The following TAOK3 variants were observed in gnomAD, a reference collection of about 807,000 sequenced individuals.
TAOK3 encodes serine/threonine-protein kinase TAO3.
In TAOK3, 40 loss-of-function variants were observed where a neutral mutation model predicts 120.4. That is an observed-to-expected ratio of 0.33 (90% CI 0.26 to 0.43). TAOK3 has a LOEUF of 0.43. Ranked by LOEUF, TAOK3 falls within the 20% of genes least tolerant of loss-of-function variation. The pLI is 1.00. For missense variants in TAOK3, 821 were observed against 1,112.1 expected (o/e 0.74, Z 3.72); for synonymous variants, 355 against 387.5 (o/e 0.92, Z 0.99).
intron 9 of TAOK3, among the ~76,000 whole-genome samples, chr12:118,223,747 A>C (rs1233040240): frequency 1.3e-5 from 2 of 150,362 alleles, no homozygotes; most frequent in Non-Finnish European, 3.0e-5. Context: ...GGGTTCAAGC[A>C]ATTCCCATGC....
At chr12:118,350,860 CAAAA>C (rs200170595) in intron 1 of TAOK3, among the ~76,000 whole-genome samples, 1 of 73,282 alleles carries the variant, frequency 1.4e-5, no homozygotes. Context: ...AACTCCGTCT[CAAAA>C]AAAAAAAAAA....
chr12:118,152,747 T>C (rs1228472280), intron 19 of TAOK3: 1 of 225,744 alleles, frequency 4.4e-6, no homozygotes, highest in African/African-American at 2.2e-5. Context: ...GCACATTACC[T>C]ACCTCTCTAG....
At chr12:118,317,489 G>A (rs1011977236) in intron 1 of TAOK3, among the ~76,000 whole-genome samples, 3 of 151,666 alleles carry the variant, frequency 2.0e-5, no homozygotes, top group Non-Finnish European at 4.4e-5. Flanking sequence ...TAGTAGAGAC[G>A]GGTTTCACCG....
intron 13 of TAOK3, 41 bp from the exon 14 acceptor site, chr12:118,189,982 C>T: frequency 6.2e-7 from 1 of 1,607,440 alleles, no homozygotes; most frequent in Non-Finnish European, 8.5e-7. Context: ...TCCAGCTGTG[C>T]TCTTTCCTCG....
chr12:118,291,144 C>T (rs1326696960), intron 1 of TAOK3, among the ~76,000 whole-genome samples: 1 of 151,380 alleles, frequency 6.6e-6, no homozygotes, highest in East Asian at 1.9e-4. Flanking sequence ...GAGTGAGCCA[C>T]CGCGCCCGGC....
At chr12:118,214,746 CTT>C (rs138948268) in intron 9 of TAOK3, among the ~76,000 whole-genome samples, 95,066 of 133,608 alleles carry the variant, frequency 0.71, 33,509 homozygotes, top group South Asian at 0.75. Context: ...TTCTTTCTTT[CTT>C]TTTTTTTTTT....
chr12:118,351,637 C>T (rs754178710), intron 1 of TAOK3, among the ~76,000 whole-genome samples: 5 of 152,050 alleles, frequency 3.3e-5, no homozygotes, highest in Admixed American at 2.0e-4. Flanking sequence ...AGATAAGAGA[C>T]CGATTATAAC....
At chr12:118,298,637 A>T (rs921249108) in intron 1 of TAOK3, among the ~76,000 whole-genome samples, 2 of 152,226 alleles carry the variant, frequency 1.3e-5, no homozygotes, top group African/African-American at 4.8e-5. Context: ...TATGGGGGAA[A>T]AAAGTAACAA....
In TAOK3 at chr12:118,372,222, C is replaced by T. The variant is rs548819476; in HGVS notation, c.-194+426G>A. ...TCGGGGTCCCCATCTCTCAGACTCT[C>T]AGTGCCGGCCCCTCTCGGGGACCCT... On this transcript the variant is annotated intron_variant, in intron 1 of 20. Transcript: ENST00000392533. This position sits in a 1 kb window ranked among gnomAD's most constrained non-coding sequence, Gnocchi z 4.6. Among the ~76,000 whole-genome samples the T allele has an allele frequency of 3.8e-4, 58 of 151,824 alleles. No homozygotes were observed. The highest frequency in any genetic ancestry group is 1.3e-3 in the African/African-American group (55 of 41,396).
intron 1 of TAOK3, among the ~76,000 whole-genome samples, chr12:118,348,950 G>A (rs10160871): frequency 0.068 from 10,246 of 149,654 alleles, 849 homozygotes; most frequent in African/African-American, 0.19. Context: ...GTGCAGTGGC[G>A]CGTTCTTGGC....
At chr12:118,151,689 GCTTTGAGATGC>G (rs2034455109) in intron 20 of TAOK3, among the ~76,000 whole-genome samples, 1 of 152,218 alleles carries the variant, frequency 6.6e-6, no homozygotes, top group African/African-American at 2.4e-5. Context: ...ATGCTTAACA[GCTTTGAGATGC>G]CTTATGAAAT....
chr12:118,279,781 T>C (rs1490981433), intron 1 of TAOK3, among the ~76,000 whole-genome samples: 7 of 151,170 alleles, frequency 4.6e-5, no homozygotes, highest in Non-Finnish European at 8.9e-5. Flanking sequence ...TTTTTTTTTT[T>C]TGAGACAGAG....
intron 1 of TAOK3, among the ~76,000 whole-genome samples, chr12:118,333,766 T>A (rs560067744): frequency 6.6e-6 from 1 of 151,506 alleles, no homozygotes; most frequent in African/African-American, 2.4e-5. Context: ...ACAAAGGTAA[T>A]TTTTTTTCCT....
At chr12:118,298,893 C>A (rs1401559052) in intron 1 of TAOK3, among the ~76,000 whole-genome samples, 1 of 152,138 alleles carries the variant, frequency 6.6e-6, no homozygotes, top group Non-Finnish European at 1.5e-5. Flanking sequence ...ACCTTATATT[C>A]AGGCAGATGC....
At chr12:118,306,462 GC>G (rs2140782452) in intron 1 of TAOK3, among the ~76,000 whole-genome samples, 1 of 152,184 alleles carries the variant, frequency 6.6e-6, no homozygotes, top group South Asian at 2.1e-4. Context: ...ACAGGGGTGA[GC>G]CTCCTCACCC....
intron 13 of TAOK3, chr12:118,190,485 T>C (rs187064415): frequency 1.3e-5 from 2 of 152,812 alleles, no homozygotes; most frequent in African/African-American, 4.8e-5. Flanking sequence ...CTGGGAAGAT[T>C]CGGCAGTCAC....
intron 1 of TAOK3, chr12:118,297,014 T>C (rs1230410505): frequency 6.6e-6 from 1 of 152,186 alleles, no homozygotes; most frequent in African/African-American, 2.4e-5. Context: ...TATGGCTTCA[T>C]ACCCTGAAGC....
intron 1 of TAOK3, among the ~76,000 whole-genome samples, chr12:118,267,979 T>G (rs915872268): frequency 3.3e-4 from 50 of 152,112 alleles, no homozygotes; most frequent in Non-Finnish European, 5.4e-4. Flanking sequence ...ATGGACGTAT[T>G]TATTTCTGCC....
chr12:118,306,586 CAT>C (rs1214852066), intron 1 of TAOK3, among the ~76,000 whole-genome samples: 2 of 152,178 alleles, frequency 1.3e-5, no homozygotes, highest in East Asian at 1.9e-4. Flanking sequence ...AAAATCCATA[CAT>C]GTTTCCCTCA....
Sources: allele counts gnomAD v4.1 joint callset (sites outside exome capture counted in the v4.1 genomes callset), GRCh38; gene constraint gnomAD v4.1.1; non-coding constraint Gnocchi (gnomAD v3.1); transcripts MANE v1.5; gene names NCBI Gene and HGNC (gene_info 2026-07-23, HGNC 2026-07-21).